The following ZDHHC15 variants were observed in gnomAD, a reference collection of about 807,000 sequenced individuals.
ZDHHC15 encodes palmitoyltransferase ZDHHC15.
A neutral mutation model predicts 31.7 loss-of-function variants in ZDHHC15; 19 were observed. That is an observed-to-expected ratio of 0.60 (90% CI 0.42 to 0.88). The LOEUF is 0.88. Ranked by LOEUF, ZDHHC15 falls within the 40% of genes least tolerant of loss-of-function variation. The pLI is 0.00. For synonymous variants in ZDHHC15, 103 were observed against 90.0 expected, an observed-to-expected ratio of 1.14 and a Z score of -0.82; for missense variants, 209 against 251.2, an observed-to-expected ratio of 0.83 and a Z score of 1.14.
chrX:75,434,718 C>T (rs558370295), intron 4 of ZDHHC15, among the ~76,000 whole-genome samples: 1 of 112,194 alleles, frequency 8.9e-6, no homozygotes, highest in South Asian at 3.7e-4. Context: ...ATACCTGTAC[C>T]ATGCTGCTTT....
intron 2 of ZDHHC15, among the ~76,000 whole-genome samples, chrX:75,479,243 A>G (rs976143839): frequency 1.8e-5 from 2 of 112,219 alleles, no homozygotes; most frequent in African/African-American, 6.5e-5. Context: ...GTCCTTTATG[A>G]CAATGTAGGG....
intron 3 of ZDHHC15, among the ~76,000 whole-genome samples, chrX:75,476,196 A>C (rs899723777): frequency 2.7e-5 from 3 of 110,614 alleles, no homozygotes; most frequent in African/African-American, 9.8e-5. Context: ...TTCAATTTCA[A>C]TGTCTTTTAT....
chrX:75,400,632 C>A (rs1470996231), intron 10 of ZDHHC15, among the ~76,000 whole-genome samples: 3 of 111,576 alleles, frequency 2.7e-5, no homozygotes, highest in Non-Finnish European at 3.8e-5. Flanking sequence ...ATACAGAGAA[C>A]CCCTGCAAGA....
intron 1 of ZDHHC15, among the ~76,000 whole-genome samples, chrX:75,520,038 C>A (rs1476907130): frequency 4.5e-5 from 5 of 111,953 alleles, no homozygotes; most frequent in Non-Finnish European, 9.4e-5. Context: ...CAACATACTG[C>A]CTGGGTTTTA....
rs1163839325 is a variant in ZDHHC15, at chrX:75,369,971, C to A, written c.*3007G>T. On this transcript the variant is annotated 3_prime_UTR_variant, in exon 12 of 12. Transcript: ENST00000373367. ...ATTTTTCCAGCTGTACCATGGGGAACAATTTTTTTATTCTGTCTCTTTCTG... is the reference window on the plus strand; with the variant it reads ...ATTTTTCCAGCTGTACCATGGGGAAAAATTTTTTTATTCTGTCTCTTTCTG... 1 of 111,407 alleles carries A rather than the reference C, an allele frequency of 9.0e-6. No homozygotes were observed. Among genetic ancestry groups the A allele is most frequent in the African/African-American group, 3.3e-5 (1 of 30,551 alleles). The allele number at this position is 111,407 out of a possible 1,213,427, so 9.2% of individuals were successfully genotyped here.
chrX:75,406,773 T>A (rs1484330085), intron 10 of ZDHHC15, among the ~76,000 whole-genome samples: 1 of 107,106 alleles, frequency 9.3e-6, no homozygotes, highest in African/African-American at 3.4e-5. Context: ...GAAGAACTAA[T>A]AACAATTTTA....
chrX:75,509,164 A>T (rs747372680), intron 1 of ZDHHC15, among the ~76,000 whole-genome samples: 54 of 111,451 alleles, frequency 4.8e-4, no homozygotes, highest in African/African-American at 1.8e-3. Flanking sequence ...GCCAAAATTG[A>T]CAAATGGGAT....
chrX:75,515,972 C>A (rs886865183), intron 1 of ZDHHC15, among the ~76,000 whole-genome samples: 1 of 111,343 alleles, frequency 9.0e-6, no homozygotes, highest in Non-Finnish European at 1.9e-5. Context: ...CATGAGTGAA[C>A]TCCCATTCAC....
intron 10 of ZDHHC15, among the ~76,000 whole-genome samples, chrX:75,397,893 C>A (rs11093520): frequency 0.057 from 6,400 of 111,888 alleles, 236 homozygotes; most frequent in African/African-American, 0.13. Context: ...ACCCACCCCA[C>A]CAGGGCCTTC....
rs779953486 is a variant in ZDHHC15, at chrX:75,505,810, C to T, written c.163+11G>A. The T allele has an allele frequency of 2.8e-5, 34 of 1,208,729 alleles. No individual in the cohort carries two copies. The highest frequency in any genetic ancestry group is 3.7e-5 in the Non-Finnish European group (33 of 893,763). On this transcript the variant is annotated intron_variant, in intron 2 of 11. Coordinates refer to ENST00000373367, the MANE Select transcript of ZDHHC15 (RefSeq NM_144969.3). ...CGGTCCTGATCAATACAATTTCCAA[C>T]ATCATCTTACCTTTTTCTGCTGGGC...
At chrX:75,497,388 T>C (rs943012685) in intron 2 of ZDHHC15, among the ~76,000 whole-genome samples, 1 of 111,851 alleles carries the variant, frequency 8.9e-6, no homozygotes, top group African/African-American at 3.3e-5. Context: ...AATTCACAGC[T>C]GAATTCTATC....
At chrX:75,521,516 T>G (rs888600646) in intron 1 of ZDHHC15, among the ~76,000 whole-genome samples, 6 of 110,524 alleles carry the variant, frequency 5.4e-5, no homozygotes, top group Non-Finnish European at 1.1e-4. Context: ...GACTTGGGGT[T>G]TGTGTCGGGA....
At chrX:75,514,247 T>A (rs1360584448) in intron 1 of ZDHHC15, among the ~76,000 whole-genome samples, 1 of 112,667 alleles carries the variant, frequency 8.9e-6, no homozygotes, top group Non-Finnish European at 1.9e-5. Context: ...TTTTTTTAAC[T>A]CTTTTTACTA....
chrX:75,400,980 G>T (rs2083349821), intron 10 of ZDHHC15, among the ~76,000 whole-genome samples: 1 of 110,973 alleles, frequency 9.0e-6, no homozygotes, highest in Non-Finnish European at 1.9e-5. Context: ...CTTGAAAGGA[G>T]CACTAAATAT....
chrX:75,475,116 G>A (rs926449700), intron 3 of ZDHHC15, among the ~76,000 whole-genome samples: 46 of 111,874 alleles, frequency 4.1e-4, no homozygotes, highest in Middle Eastern at 4.6e-3. Context: ...TTAGCTGTAG[G>A]TTTTAAATAT....
At chrX:75,395,539 T>C (rs2083290400) in intron 10 of ZDHHC15, among the ~76,000 whole-genome samples, 2 of 111,091 alleles carry the variant, frequency 1.8e-5, no homozygotes, top group African/African-American at 6.5e-5. Flanking sequence ...TTGAAAGAAA[T>C]TGAATAGGAA....
chrX:75,497,183 A>T (rs886503912), intron 2 of ZDHHC15, among the ~76,000 whole-genome samples: 2 of 111,713 alleles, frequency 1.8e-5, no homozygotes, highest in Non-Finnish European at 3.8e-5. Context: ...AATACAAAAG[A>T]TCATTGAAGG....
chrX:75,483,001 GTA>G (rs60535826), intron 2 of ZDHHC15, among the ~76,000 whole-genome samples: 24,204 of 99,380 alleles, frequency 0.24, 2,883 homozygotes, highest in East Asian at 0.87. Context: ...GTGTGTATGT[GTA>G]TATATATATA....
chrX:75,433,381 C>G (rs2083805111), intron 4 of ZDHHC15, among the ~76,000 whole-genome samples: 1 of 110,688 alleles, frequency 9.0e-6, no homozygotes, highest in Non-Finnish European at 1.9e-5. Context: ...CACCCACCAT[C>G]TAAGCCGTAA....
Sources: gnomAD v4.1 joint callset for allele counts (sites outside exome capture counted in the v4.1 genomes callset) on GRCh38, gnomAD v4.1.1 for gene constraint, MANE v1.5 for transcripts, NCBI Gene and HGNC (gene_info 2026-07-23, HGNC 2026-07-21) for gene names.